OLFM2: variants seen among roughly 807,000 people sequenced by gnomAD.
OLFM2 encodes the protein olfactomedin 2.
A neutral mutation model predicts 43.9 loss-of-function variants in OLFM2; 20 were observed. That is an observed-to-expected ratio of 0.46 (90% CI 0.32 to 0.66). The LOEUF is 0.66. Among genes scored for constraint, OLFM2 ranks in the 30% least tolerant of loss-of-function variants. The probability of loss-of-function intolerance (pLI) is 0.04; values close to 1 mark genes in which losing one functional copy is unlikely to be tolerated. For synonymous variants in OLFM2, 268 were observed against 278.6 expected, an observed-to-expected ratio of 0.96 and a Z score of 0.38; for missense variants, 416 against 643.6, an observed-to-expected ratio of 0.65 and a Z score of 3.83.
At chr19:9,926,495 T>C (rs1430505504) in intron 1 of OLFM2, among the ~76,000 whole-genome samples, 1 of 150,034 alleles carries the variant, frequency 6.7e-6, no homozygotes, top group African/African-American at 2.5e-5. Flanking sequence ...GAGCTTGCAG[T>C]GAGCTGAGAT....
At chr19:9,890,472 G>A (rs968959457) in intron 1 of OLFM2, among the ~76,000 whole-genome samples, 6 of 152,224 alleles carry the variant, frequency 3.9e-5, no homozygotes, top group South Asian at 2.1e-4. Flanking sequence ...GCATGTGGAC[G>A]TGTCTACAGG....
At chr19:9,915,146 A>G (rs1370432185) in intron 1 of OLFM2, among the ~76,000 whole-genome samples, 1 of 152,084 alleles carries the variant, frequency 6.6e-6, no homozygotes, top group East Asian at 1.9e-4. Flanking sequence ...GAATCAGGTA[A>G]TTTACTGAGC....
chr19:9,856,714 C>G lies in OLFM2; in HGVS notation c.687+93G>C. Reference sequence around the variant, plus strand: ...ATCCAGGACACTTTGGGCTACAAGACAGTCACCAGTGTGGACTCCCTAGGC... The same window carrying G: ...ATCCAGGACACTTTGGGCTACAAGAGAGTCACCAGTGTGGACTCCCTAGGC... On this transcript the variant is annotated intron_variant, in intron 5 of 5. Coordinates refer to ENST00000264833, the MANE Select transcript of OLFM2 (RefSeq NM_058164.4). This position sits in a 1 kb window ranked among gnomAD's most constrained non-coding sequence, Gnocchi z 4.0. 1 of 1,000,214 alleles carries G rather than the reference C, an allele frequency of 1.0e-6. No homozygotes were observed. 62.0% of individuals were successfully genotyped at this position (1,000,214 alleles called of 1,614,324 possible).
chr19:9,905,274 G>A (rs553276114), intron 1 of OLFM2, among the ~76,000 whole-genome samples: 5 of 152,160 alleles, frequency 3.3e-5, no homozygotes. Flanking sequence ...TGGCTAACAC[G>A]GTGAAACCCC....
intron 1 of OLFM2, among the ~76,000 whole-genome samples, chr19:9,890,993 G>A (rs1568377399): frequency 6.6e-6 from 1 of 151,852 alleles, no homozygotes; most frequent in East Asian, 1.9e-4. Flanking sequence ...AGTGTGCAGT[G>A]CCACAGTCTT....
At chr19:9,888,482 C>T (rs1371623698) in intron 1 of OLFM2, among the ~76,000 whole-genome samples, 4 of 146,838 alleles carry the variant, frequency 2.7e-5, no homozygotes, top group South Asian at 2.2e-4. Context: ...TGAGATCATG[C>T]GACTACACTC....
At chr19:9,867,526 G>A (rs1361233007) in intron 1 of OLFM2, among the ~76,000 whole-genome samples, 1 of 152,192 alleles carries the variant, frequency 6.6e-6, no homozygotes, top group Non-Finnish European at 1.5e-5. Flanking sequence ...ATAAAATGAA[G>A]CTATTATTGT....
chr19:9,908,147 T>C (rs1017397647), intron 1 of OLFM2, among the ~76,000 whole-genome samples: 1 of 152,100 alleles, frequency 6.6e-6, no homozygotes, highest in African/African-American at 2.4e-5. Flanking sequence ...GCTCCAGACA[T>C]GGGCCTCCTC....
chr19:9,897,327 CAA>C lies in OLFM2; in HGVS notation c.64-36535_64-36534del, dbSNP rs1160281673. ...TGGGCAACAGAGTGAGACTTCGTCT[CAA>C]AAAAAAAAAAAAAAAAAAATTAGAA... On this transcript the variant is annotated intron_variant, in intron 1 of 5. Transcript: ENST00000264833. Among the ~76,000 whole-genome samples, 436 of 93,364 alleles carry C rather than the reference CAA, an allele frequency of 4.7e-3. 1 individual carries two copies. Among genetic ancestry groups the C allele is most frequent in the African/African-American group, 0.015 (374 of 24,826 alleles). The allele number at this position is 93,364 out of a possible 152,430, so 61.3% of individuals were successfully genotyped here.
chr19:9,909,975 A>AC (rs34606820), intron 1 of OLFM2, among the ~76,000 whole-genome samples: 94,352 of 151,894 alleles, frequency 0.62, 29,544 homozygotes, highest in Admixed American at 0.67. Context: ...TTGTAGGCCT[A>AC]TGTGCGCCAC....
chr19:9,893,155 T>C (rs2046652788), intron 1 of OLFM2, among the ~76,000 whole-genome samples: 1 of 145,574 alleles, frequency 6.9e-6, no homozygotes, highest in Non-Finnish European at 1.5e-5. Flanking sequence ...AGGCATCTTT[T>C]ATTTTTTTTC....
At chr19:9,905,582 G>T (rs955343703) in intron 1 of OLFM2, among the ~76,000 whole-genome samples, 1 of 149,182 alleles carries the variant, frequency 6.7e-6, no homozygotes, top group African/African-American at 2.5e-5. Flanking sequence ...TGGAGGTTGC[G>T]CCACTGCACT....
At chr19:9,874,328 C>T (rs201777100) in intron 1 of OLFM2, among the ~76,000 whole-genome samples, 24 of 120,216 alleles carry the variant, frequency 2.0e-4, no homozygotes, top group Admixed American at 5.4e-4. Flanking sequence ...CCCCACTGGC[C>T]TTTTTTTTTT....
At position 9,856,096 on chromosome 19, in the gene OLFM2, T is replaced by TTTTTG. The variant is rs766870194; in HGVS notation, c.687+706_687+710dup. Among the ~76,000 whole-genome samples, 1 of 152,102 alleles carries TTTTTG rather than the reference T, an allele frequency of 6.6e-6. No individual in the cohort carries two copies. ...TCATGTTAACTAGCATTTGTTGTTG[T>TTTTTG]TTTTGTTTTGTTTTGTTTTGAGACA... On this transcript the variant is annotated intron_variant, in intron 5 of 5. Transcript: ENST00000264833. This position sits in a 1 kb window ranked among gnomAD's most constrained non-coding sequence, Gnocchi z 4.0.
At chr19:9,913,627 G>A (rs1439557892) in intron 1 of OLFM2, 7 of 1,288,760 alleles carry the variant, frequency 5.4e-6, no homozygotes, top group East Asian at 7.7e-5. Context: ...TCGCGCCTCC[G>A]CCTCATGCCC....
In OLFM2 at chr19:9,857,144, G is replaced by A. The variant is rs2046325708; in HGVS notation, c.580+119C>T. Reference sequence around the variant, plus strand: ...TGTAGCCTTAGGTAGGAAGGTCAAGGGTTGAGGTTTAAAAGTTAGAGGTCA... The same window carrying A: ...TGTAGCCTTAGGTAGGAAGGTCAAGAGTTGAGGTTTAAAAGTTAGAGGTCA... On this transcript the variant is annotated intron_variant, in intron 4 of 5. Coordinates refer to ENST00000264833, the MANE Select transcript of OLFM2 (RefSeq NM_058164.4). The surrounding 1 kb of genome is among the most constrained non-coding windows in gnomAD (Gnocchi z 5.7). 3.8e-6 allele frequency: 4 copies of A among 1,049,342 alleles called. No individual in the cohort carries two copies. Among genetic ancestry groups the A allele is most frequent in the Non-Finnish European group, 5.8e-6 (4 of 688,550 alleles). 65.0% of individuals were successfully genotyped at this position (1,049,342 alleles called of 1,614,324 possible).
chr19:9,900,693 C>A lies in OLFM2; in HGVS notation c.63+35611G>T, dbSNP rs968192079. On this transcript the variant is annotated intron_variant, in intron 1 of 5. Coordinates refer to ENST00000264833, the MANE Select transcript of OLFM2 (RefSeq NM_058164.4). ...GTCGCTTGAACCTAGGAGTTTGAGA[C>A]CCGCTCGGACAACATTGTAAAACCC... Among the ~76,000 whole-genome samples, 3 of 151,350 alleles carry A rather than the reference C, an allele frequency of 2.0e-5. No homozygotes were observed. In the Admixed American group the frequency reaches 2.0e-4, roughly 10 times the overall value.
intron 2 of OLFM2, among the ~76,000 whole-genome samples, chr19:9,858,435 G>A (rs1034779071): frequency 1.3e-5 from 2 of 152,000 alleles, no homozygotes; most frequent in African/African-American, 2.4e-5. Context: ...TCCGGTAGCC[G>A]CTCACTCACT....
chr19:9,862,641 A>C (rs901792698), intron 1 of OLFM2, among the ~76,000 whole-genome samples: 6 of 151,860 alleles, frequency 4.0e-5, no homozygotes, highest in African/African-American at 1.5e-4. Flanking sequence ...TGGCTGTGCC[A>C]CTGCACTCCA....
Sources: allele counts gnomAD v4.1 joint callset (sites outside exome capture counted in the v4.1 genomes callset), GRCh38; gene constraint gnomAD v4.1.1; non-coding constraint Gnocchi (gnomAD v3.1); transcripts MANE v1.5; gene names NCBI Gene and HGNC (gene_info 2026-07-23, HGNC 2026-07-21).